AKAP10: variants seen among roughly 807,000 people sequenced by gnomAD.
AKAP10 encodes the protein A-kinase anchoring protein 10.
A neutral mutation model predicts 80.8 loss-of-function variants in AKAP10; 24 were observed. The observed-to-expected ratio is 0.30, with a 90% CI of 0.22 to 0.42. AKAP10 has a LOEUF of 0.42. Among genes scored for constraint, AKAP10 ranks in the 10% least tolerant of loss-of-function variants. The probability of loss-of-function intolerance (pLI) is 1.00; values close to 1 mark genes in which losing one functional copy is unlikely to be tolerated. For synonymous variants in AKAP10, 291 were observed against 277.7 expected (o/e 1.05, Z -0.48); for missense variants, 661 against 794.9 (o/e 0.83, Z 2.03).
intron 4 of AKAP10, among the ~76,000 whole-genome samples, chr17:19,955,687 C>G (rs2043266972): frequency 6.6e-6 from 1 of 151,996 alleles, no homozygotes; most frequent in African/African-American, 2.4e-5. Flanking sequence ...ATACAAAAAT[C>G]AGCCAGGCAT....
At chr17:19,941,245 C>G (rs902565814) in intron 6 of AKAP10, among the ~76,000 whole-genome samples, 6 of 152,154 alleles carry the variant, frequency 3.9e-5, no homozygotes, top group Non-Finnish European at 8.8e-5. Context: ...TTACAGTAAC[C>G]AAACAACATG....
At chr17:19,913,851 C>G (rs1184212323) in intron 12 of AKAP10, among the ~76,000 whole-genome samples, 1 of 152,060 alleles carries the variant, frequency 6.6e-6, no homozygotes, top group Non-Finnish European at 1.5e-5. Flanking sequence ...AAATGAAATT[C>G]TTAAGTATTA....
intron 10 of AKAP10, among the ~76,000 whole-genome samples, chr17:19,930,779 C>T (rs1239265499): frequency 1.3e-5 from 2 of 151,924 alleles, no homozygotes; most frequent in Non-Finnish European, 1.5e-5. Context: ...GGCGTGATCT[C>T]GGCTCACTGC....
At chr17:19,965,180 T>G (rs982317018) in intron 2 of AKAP10, among the ~76,000 whole-genome samples, 1 of 152,228 alleles carries the variant, frequency 6.6e-6, no homozygotes, top group Non-Finnish European at 1.5e-5. Flanking sequence ...TCCTCTCAAT[T>G]TCCCTGTCTG....
At chr17:19,952,522 G>A (rs1289533529) in intron 4 of AKAP10, among the ~76,000 whole-genome samples, 1 of 151,758 alleles carries the variant, frequency 6.6e-6, no homozygotes, top group Non-Finnish European at 1.5e-5. Flanking sequence ...CCAACTATAT[G>A]CTGCCTACAA....
chr17:19,958,114 T>C lies in AKAP10; in HGVS notation c.777A>G (p.Gln259=). 6.2e-7 allele frequency: 1 copy of C among 1,614,174 alleles called. No homozygotes were observed. ...RLEMARAGTH[Q]VSMETQESSS... Reference sequence around the variant, plus strand: ...AAGATTCTTGGGTTTCCATGGAAACTTGGTGAGTTCCTGCTCTGGCCATTT... The same window carrying C: ...AAGATTCTTGGGTTTCCATGGAAACCTGGTGAGTTCCTGCTCTGGCCATTT... The change falls in exon 4 of 15, where the codon CAA becomes CAG. Residue 259 remains glutamine (Q), a synonymous_variant. Transcript: ENST00000225737.
intron 12 of AKAP10, among the ~76,000 whole-genome samples, chr17:19,917,046 C>T (rs1310991676): frequency 2.0e-5 from 3 of 151,970 alleles, no homozygotes; most frequent in African/African-American, 7.2e-5. Context: ...GAGCGGATCA[C>T]GAGGTCAGGA....
chr17:19,949,313 T>C (rs2043171191), intron 4 of AKAP10, among the ~76,000 whole-genome samples: 1 of 151,742 alleles, frequency 6.6e-6, no homozygotes, highest in Non-Finnish European at 1.5e-5. Flanking sequence ...AAAGAACCAG[T>C]GAATTTGAAG....
intron 10 of AKAP10, among the ~76,000 whole-genome samples, chr17:19,929,943 C>T (rs1387192557): frequency 6.7e-6 from 1 of 149,738 alleles, no homozygotes; most frequent in African/African-American, 2.5e-5. Flanking sequence ...TGCCATTGCA[C>T]TCCAGCCTGG....
chr17:19,918,232 A>G (rs1451179083), intron 12 of AKAP10, among the ~76,000 whole-genome samples: 1 of 151,376 alleles, frequency 6.6e-6, no homozygotes, highest in Non-Finnish European at 1.5e-5. Flanking sequence ...AACAAAAAAA[A>G]AAAAAAAAAA....
chr17:19,963,095 A>G (rs1304014530), intron 2 of AKAP10, 73 bp from the exon 3 acceptor site: 3 of 1,288,844 alleles, frequency 2.3e-6, no homozygotes, highest in Non-Finnish European at 3.1e-6. Context: ...AGGGGCTTTC[A>G]GAGAACTTTA....
intron 8 of AKAP10, among the ~76,000 whole-genome samples, 198 bp downstream of exon 8, chr17:19,939,515 C>T (rs1209854917): frequency 6.6e-6 from 1 of 152,192 alleles, no homozygotes; most frequent in African/African-American, 2.4e-5. Flanking sequence ...GTTTACCCCA[C>T]ATACACCTCC....
chr17:19,973,727 A>G (rs2043528391), intron 1 of AKAP10, among the ~76,000 whole-genome samples: 1 of 152,182 alleles, frequency 6.6e-6, no homozygotes, highest in South Asian at 2.1e-4. Flanking sequence ...GACATCCTTA[A>G]CCACTCAATC....
At chr17:19,930,203 T>C (rs1044216455) in intron 10 of AKAP10, among the ~76,000 whole-genome samples, 1 of 152,166 alleles carries the variant, frequency 6.6e-6, no homozygotes, top group Non-Finnish European at 1.5e-5. Flanking sequence ...CAAAGGGTTA[T>C]TTATTTGTCA....
chr17:19,947,654 T>C (rs2043149703), intron 4 of AKAP10, 149 bp from the exon 5 acceptor site: 1 of 687,230 alleles, frequency 1.5e-6, no homozygotes, highest in African/African-American at 1.8e-5. Context: ...TTGTTTGGTT[T>C]GTGGAAGAGG....
At chr17:19,951,759 G>A (rs1044605064) in intron 4 of AKAP10, among the ~76,000 whole-genome samples, 2 of 152,058 alleles carry the variant, frequency 1.3e-5, no homozygotes, top group Non-Finnish European at 2.9e-5. Flanking sequence ...AAACACTGCA[G>A]AAGGCCGCAG....
intron 11 of AKAP10, among the ~76,000 whole-genome samples, chr17:19,922,761 G>A (rs1161394839): frequency 3.3e-5 from 5 of 152,048 alleles, no homozygotes; most frequent in Non-Finnish European, 7.4e-5. Flanking sequence ...TTAGCCGGGC[G>A]TGGTGGCACG....
intron 1 of AKAP10, among the ~76,000 whole-genome samples, 161 bp downstream of exon 1, chr17:19,977,431 A>G (rs1409995900): frequency 6.6e-6 from 1 of 152,218 alleles, no homozygotes; most frequent in Non-Finnish European, 1.5e-5. Flanking sequence ...CCCTCCCAGA[A>G]GAGTCCCGGA....
intron 4 of AKAP10, among the ~76,000 whole-genome samples, chr17:19,949,422 A>AC (rs1185010540): frequency 1.3e-5 from 2 of 152,126 alleles, no homozygotes; most frequent in African/African-American, 4.8e-5. Context: ...CAAAACTAAC[A>AC]TTTGGGTTAC....
Sources: gnomAD v4.1 joint callset for allele counts (sites outside exome capture counted in the v4.1 genomes callset) on GRCh38, gnomAD v4.1.1 for gene constraint, MANE v1.5 for transcripts, NCBI Gene and HGNC (gene_info 2026-07-23, HGNC 2026-07-21) for gene names.